SKOR2: variants seen among roughly 807,000 people sequenced by gnomAD.
The protein encoded by SKOR2 is SKI family transcriptional corepressor 2.
Under a neutral mutation model 69.1 loss-of-function variants are expected in SKOR2, and 47 were observed. The ratio of observed to expected loss-of-function variants is 0.68; its 90% CI spans 0.54 to 0.87. The LOEUF is 0.87. Ranked by LOEUF, SKOR2 falls within the 40% of genes least tolerant of loss-of-function variation. The pLI is 0.00. For synonymous variants in SKOR2, 717 were observed against 672.6 expected (o/e 1.07, Z -1.02); for missense variants, 1,404 against 1,472.2 (o/e 0.95, Z 0.76).
intron 8 of SKOR2, among the ~76,000 whole-genome samples, chr18:47,208,828 G>A (rs1030154984): frequency 6.6e-5 from 10 of 152,022 alleles, no homozygotes; most frequent in African/African-American, 2.2e-4. Flanking sequence ...TACGAAGAGC[G>A]GTACAATGTC....
Position 47,248,520 on chromosome 18 carries a change from C to T in SKOR2, c.664G>A (p.Asp222Asn). The T allele has an allele frequency of 6.5e-7, 1 of 1,537,096 alleles. No individual in the cohort carries two copies. Among genetic ancestry groups the T allele is most frequent in the Non-Finnish European group, 8.7e-7 (1 of 1,146,850 alleles). ...HLKLTDKSPQ[D>N]ELVFAWEDVK... is the part of the protein sequence containing the mutation. ...TCCTCCCAGGCGAAGACCAGCTCGT[C>T]CTGGGGACTCTTGTCGGTGAGCTTG... is the stretch of plus-strand genomic sequence containing the variant. The change falls in exon 2 of 9, where the codon GAC (aspartate) becomes AAC (asparagine). Residue 222 changes from aspartate (D) to asparagine (N), a missense_variant. Asp to Asn is a conservative substitution (Grantham distance 23). Around this residue, in one of 3 missense-constraint regions of SKOR2, gnomAD observed 1,266 missense variants for 1,309.9 expected, o/e 0.97. Transcript: ENST00000425639. This position sits in a 1 kb window ranked among gnomAD's most constrained non-coding sequence, Gnocchi z 6.4.
At chr18:47,229,885 C>T (rs2064191418) in intron 6 of SKOR2, among the ~76,000 whole-genome samples, 1 of 152,136 alleles carries the variant, frequency 6.6e-6, no homozygotes, top group Non-Finnish European at 1.5e-5. Context: ...GCTACAATAT[C>T]TCCTGCCTCT....
At chr18:47,215,349 G>A (rs1256491166) in intron 7 of SKOR2, among the ~76,000 whole-genome samples, 1 of 151,864 alleles carries the variant, frequency 6.6e-6, no homozygotes, top group Non-Finnish European at 1.5e-5. Flanking sequence ...AATAGTAATG[G>A]TCCTATCTAC....
In SKOR2 at chr18:47,247,432, C is replaced by G; in HGVS notation, c.1752G>C (p.Gly584=). The change falls in exon 2 of 9, where the codon GGG becomes GGC. Residue 584 remains glycine (G), a synonymous_variant. Transcript: ENST00000425639. This position sits in a 1 kb window ranked among gnomAD's most constrained non-coding sequence, Gnocchi z 6.6. ...TPPADSVAAA[G]AGAAAAGSGP... is the part of the protein sequence containing the mutation. ...CAGACCCGGCGGCCGCGGCCCCTGCCCCGGCAGCTGCCACAGAGTCCGCGG... is the reference window on the plus strand; with the variant it reads ...CAGACCCGGCGGCCGCGGCCCCTGCGCCGGCAGCTGCCACAGAGTCCGCGG... The G allele has an allele frequency of 7.8e-7, 1 of 1,282,598 alleles. No homozygotes were observed. The highest frequency in any genetic ancestry group is 9.8e-7 in the Non-Finnish European group (1 of 1,017,176). 79.5% of individuals were successfully genotyped at this position (1,282,598 alleles called of 1,614,324 possible).
intron 6 of SKOR2, among the ~76,000 whole-genome samples, chr18:47,223,903 CTT>C (rs35581562): frequency 1.3e-3 from 183 of 145,958 alleles, no homozygotes; most frequent in Admixed American, 1.4e-3. Flanking sequence ...TTTCTATGTT[CTT>C]TTTTTTTTTT....
chr18:47,227,431 G>A (rs1425870932), intron 6 of SKOR2, among the ~76,000 whole-genome samples: 3 of 142,758 alleles, frequency 2.1e-5, no homozygotes, highest in East Asian at 2.1e-4. Context: ...TCTGCCTCCC[G>A]GGTTCAAGTG....
intron 4 of SKOR2, among the ~76,000 whole-genome samples, chr18:47,238,259 G>T (rs2064233463): frequency 6.6e-6 from 1 of 151,126 alleles, no homozygotes; most frequent in South Asian, 2.1e-4. Flanking sequence ...AAGAAAGAAA[G>T]TGTGTTATTT....
At chr18:47,209,195 C>T (rs1405886152) in intron 8 of SKOR2, among the ~76,000 whole-genome samples, 1 of 152,068 alleles carries the variant, frequency 6.6e-6, no homozygotes, top group Non-Finnish European at 1.5e-5. Context: ...AGTACTCGCT[C>T]AGCTTATTAA....
At chr18:47,237,912 A>G (rs940858349) in intron 4 of SKOR2, among the ~76,000 whole-genome samples, 5 of 152,160 alleles carry the variant, frequency 3.3e-5, no homozygotes, top group African/African-American at 7.2e-5. Flanking sequence ...TCCTGGGCTC[A>G]GGGAATCCTC....
intron 4 of SKOR2, among the ~76,000 whole-genome samples, chr18:47,238,465 G>A (rs748740629): frequency 6.6e-6 from 1 of 151,558 alleles, no homozygotes; most frequent in Non-Finnish European, 1.5e-5. Context: ...TGGGATTACA[G>A]GTGGCTGCCA....
At chr18:47,222,315 CAAA>C (rs57282613) in intron 6 of SKOR2, among the ~76,000 whole-genome samples, 2 of 112,534 alleles carry the variant, frequency 1.8e-5, no homozygotes, top group Admixed American at 9.1e-5. Flanking sequence ...GACTCTGCCT[CAAA>C]AAAAAAAAAA....
At chr18:47,242,750 A>G (rs1360865624) in intron 4 of SKOR2, among the ~76,000 whole-genome samples, 2 of 152,166 alleles carry the variant, frequency 1.3e-5, no homozygotes, top group African/African-American at 4.8e-5. Flanking sequence ...AATAATTTGA[A>G]CTTTAATATT....
At chr18:47,241,238 C>A (rs1341095695) in intron 4 of SKOR2, among the ~76,000 whole-genome samples, 1 of 152,132 alleles carries the variant, frequency 6.6e-6, no homozygotes, top group Non-Finnish European at 1.5e-5. Context: ...TGAATGCTAT[C>A]ATGTAGATAA....
At chr18:47,228,671 G>A (rs945373958) in intron 6 of SKOR2, among the ~76,000 whole-genome samples, 1 of 152,156 alleles carries the variant, frequency 6.6e-6, no homozygotes, top group African/African-American at 2.4e-5. Context: ...TTGGGAAAAC[G>A]TATTCAATGC....
chr18:47,213,059 G>A (rs1305600514), intron 7 of SKOR2, among the ~76,000 whole-genome samples: 1 of 152,056 alleles, frequency 6.6e-6, no homozygotes, highest in Non-Finnish European at 1.5e-5. Flanking sequence ...AAGTACTTTC[G>A]AATACTGGGG....
At chr18:47,243,983 AT>A (rs2064260075) in intron 4 of SKOR2, among the ~76,000 whole-genome samples, 1 of 152,234 alleles carries the variant, frequency 6.6e-6, no homozygotes, top group Admixed American at 6.5e-5. Flanking sequence ...CTGATGATAT[AT>A]AAAGCTTTCT....
intron 4 of SKOR2, among the ~76,000 whole-genome samples, chr18:47,241,534 C>T (rs1241060650): frequency 1.3e-5 from 2 of 152,108 alleles, no homozygotes; most frequent in African/African-American, 4.8e-5. Flanking sequence ...TGGCAGCTGA[C>T]GGTGCACCAA....
chr18:47,233,899 T>C (rs143013229), intron 4 of SKOR2, among the ~76,000 whole-genome samples: 7 of 152,264 alleles, frequency 4.6e-5, no homozygotes, highest in African/African-American at 1.7e-4. Context: ...CACAGGCAAA[T>C]CTACTGATGA....
rs1490330912 is a variant in SKOR2 at position 47,251,469 on chromosome 18, G to A, written c.-143C>T. ...ATCCAAGCGGGTCCTCGTATCCAGC[G>A]GGCGGGACTCTGGCGGGCTCCGCGC... On this transcript the variant is annotated 5_prime_UTR_variant, in exon 1 of 9. Transcript: ENST00000425639. 1 of 152,362 alleles carries A rather than the reference G, an allele frequency of 6.6e-6. No individual in the cohort carries two copies. Among genetic ancestry groups the A allele is most frequent in the African/African-American group, 2.4e-5 (1 of 41,472 alleles). The allele number at this position is 152,362 out of a possible 1,614,324, so 9.4% of individuals were successfully genotyped here.
Sources: allele counts gnomAD v4.1 joint callset (sites outside exome capture counted in the v4.1 genomes callset), GRCh38; gene constraint gnomAD v4.1.1; regional missense constraint gnomAD v4.1.1; non-coding constraint Gnocchi (gnomAD v3.1); transcripts MANE v1.5; gene names NCBI Gene and HGNC (gene_info 2026-07-23, HGNC 2026-07-21).